The following NOS1 variants were observed in gnomAD, a reference collection of about 807,000 sequenced individuals.
The protein encoded by NOS1 is NOS type I.
NOS1 carries 51 observed loss-of-function variants against 164.5 expected under a neutral mutation model. The observed-to-expected ratio is 0.31, with a 90% CI of 0.25 to 0.39. NOS1 has a LOEUF of 0.39. Ranked by LOEUF, NOS1 falls within the 10% of genes least tolerant of loss-of-function variation. The probability of loss-of-function intolerance (pLI) is 1.00; values close to 1 mark genes in which losing one functional copy is unlikely to be tolerated. For synonymous variants in NOS1, 719 were observed against 745.8 expected, an observed-to-expected ratio of 0.96 and a Z score of 0.59; for missense variants, 1,362 against 1,885.6, an observed-to-expected ratio of 0.72 and a Z score of 5.14.
chr12:117,255,050 T>C (rs565986440), intron 16 of NOS1, among the ~76,000 whole-genome samples: 1 of 152,262 alleles, frequency 6.6e-6, no homozygotes, highest in South Asian at 2.1e-4. Flanking sequence ...CATGTATACA[T>C]ATGTAACTAA....
intron 2 of NOS1, among the ~76,000 whole-genome samples, chr12:117,317,145 C>T (rs1012483525): frequency 2.0e-5 from 3 of 151,972 alleles, no homozygotes; most frequent in African/African-American, 4.8e-5. Context: ...CCTCCCAAAG[C>T]GTTGGGATTA....
At chr12:117,311,429 G>C in intron 3 of NOS1, 37 bp downstream of exon 3, 3 of 1,565,708 alleles carry the variant, frequency 1.9e-6, no homozygotes, top group Non-Finnish European at 2.6e-6. Flanking sequence ...GAGAAGGCGT[G>C]GGAAGCAGTG....
At chr12:117,285,900 C>A (rs566124908) in intron 6 of NOS1, among the ~76,000 whole-genome samples, 18 of 152,234 alleles carry the variant, frequency 1.2e-4, no homozygotes, top group African/African-American at 4.3e-4. Context: ...TTTGCAAAAG[C>A]ACTGTGTTGG....
At position 117,208,393 on chromosome 12, in the gene NOS1, T is replaced by C. The variant is rs766370639; in HGVS notation, c.*6916A>G. ...GGGGACGGCCGAGTTTCTGACAGCG[T>C]GTGTGTGTGTGTGTGTGTGTGTGTG... On this transcript the variant is annotated 3_prime_UTR_variant, in exon 29 of 29. Transcript: ENST00000317775. The C allele has an allele frequency of 1.1e-3, 365 of 341,326 alleles. No homozygotes were observed. The highest frequency in any genetic ancestry group is 8.8e-3 in the Middle Eastern group (7 of 794). 21.1% of individuals were successfully genotyped at this position (341,326 alleles called of 1,614,324 possible).
intron 8 of NOS1, among the ~76,000 whole-genome samples, chr12:117,280,507 C>A (rs929541652): frequency 6.6e-6 from 1 of 152,280 alleles, no homozygotes; most frequent in Non-Finnish European, 1.5e-5. Context: ...CAGTTCCCAT[C>A]AGGAGGGCTG....
chr12:117,244,960 C>A (rs1048458439), intron 18 of NOS1, among the ~76,000 whole-genome samples: 2 of 152,128 alleles, frequency 1.3e-5, no homozygotes, highest in Admixed American at 1.3e-4. Flanking sequence ...GGCCTTGCTT[C>A]CTGGTTGCTC....
At chr12:117,282,009 T>C (rs1430131742) in intron 7 of NOS1, among the ~76,000 whole-genome samples, 4 of 152,144 alleles carry the variant, frequency 2.6e-5, no homozygotes, top group African/African-American at 9.7e-5. Flanking sequence ...AAAAGAAAAT[T>C]GCAGGTCACC....
rs769905102 is a variant in NOS1 at position 117,232,101 on chromosome 12, C to T, written c.3266G>A (p.Arg1089His). The change falls in exon 22 of 29, where the codon CGC (arginine) becomes CAC (histidine). Residue 1089 changes from arginine (R) to histidine (H), a missense_variant. By Grantham distance (29) the Arg-to-His change is conservative (BLOSUM62 0). Coordinates refer to ENST00000317775, the MANE Select transcript of NOS1 (RefSeq NM_000620.5). ...GVISNWTDEL[R>H]LPPCTIFQAF... is the part of the protein sequence containing the mutation. ...CTGGAAGATGGTGCAGGGCGGGAGGCGGAGCTCGTCTGTCCAGTTACTGAT... is the reference window on the plus strand; with the variant it reads ...CTGGAAGATGGTGCAGGGCGGGAGGTGGAGCTCGTCTGTCCAGTTACTGAT... 19 of 1,611,838 alleles carry T rather than the reference C, an allele frequency of 1.2e-5. No homozygotes were observed. In the Admixed American group the frequency reaches 1.5e-4, roughly 13 times the overall value.
intron 2 of NOS1, among the ~76,000 whole-genome samples, chr12:117,313,339 G>A (rs963301358): frequency 2.6e-5 from 4 of 152,140 alleles, no homozygotes; most frequent in African/African-American, 9.7e-5. Context: ...CTGTTACCCA[G>A]GCTGGAGTGC....
chr12:117,245,098 G>A (rs1438490939), intron 18 of NOS1, among the ~76,000 whole-genome samples: 1 of 152,164 alleles, frequency 6.6e-6, no homozygotes, highest in Non-Finnish European at 1.5e-5. Context: ...TCCCCACCTG[G>A]AAATCTTTAT....
chr12:117,228,874 G>T (rs947202002), intron 22 of NOS1, among the ~76,000 whole-genome samples: 2 of 151,970 alleles, frequency 1.3e-5, no homozygotes, highest in Non-Finnish European at 2.9e-5. Flanking sequence ...TCCGCCTCCC[G>T]GGGTTCACGC....
rs57047376 is a variant in NOS1 at position 117,256,284 on chromosome 12, G to GTTTTTTTTTTTTTTTTTTTTTT, written c.2531+2112_2531+2113insAAAAAAAAAAAAAAAAAAAAAA. On this transcript the variant is annotated intron_variant, in intron 16 of 28. Coordinates refer to ENST00000317775, the MANE Select transcript of NOS1 (RefSeq NM_000620.5). ...CAAAGAAAATCAGAAGGGATTTTCT[G>GTTTTTTTTTTTTTTTTTTTTTT]TTTTTTTTTTTTGAGACGGAGTCTC... Among the ~76,000 whole-genome samples, 82 of 118,434 alleles carry GTTTTTTTTTTTTTTTTTTTTTT rather than the reference G, an allele frequency of 6.9e-4. 16 individuals carry two copies. The highest frequency in any genetic ancestry group is 2.9e-3 in the African/African-American group (76 of 26,140). The allele number at this position is 118,434 out of a possible 152,430, so 77.7% of individuals were successfully genotyped here.
intron 18 of NOS1, among the ~76,000 whole-genome samples, chr12:117,246,338 G>T (rs1424011470): frequency 1.3e-5 from 2 of 152,096 alleles, no homozygotes; most frequent in African/African-American, 4.8e-5. Context: ...GTCTCACTAT[G>T]TTGCCCAGGC....
intron 1 of NOS1, among the ~76,000 whole-genome samples, chr12:117,335,763 A>AGAGAGAGAGAGAGAGG (rs1566081635): frequency 2.3e-5 from 3 of 131,300 alleles, no homozygotes; most frequent in African/African-American, 8.4e-5. Flanking sequence ...AGAGAGAGAG[A>AGAGAGAGAGAGAGAGG]GAGAGAGACA....
At chr12:117,242,176 C>T (rs1870231308) in intron 20 of NOS1, among the ~76,000 whole-genome samples, 1 of 152,176 alleles carries the variant, frequency 6.6e-6, no homozygotes, top group Admixed American at 6.5e-5. Context: ...GACTTCAAAA[C>T]ACAGAGTGGG....
intron 10 of NOS1, among the ~76,000 whole-genome samples, chr12:117,270,172 T>G (rs2135995046): frequency 6.6e-6 from 1 of 152,382 alleles, no homozygotes; most frequent in East Asian, 1.9e-4. Flanking sequence ...GTGCATTAAT[T>G]AAAGCCCTGC....
Position 117,280,816 on chromosome 12 carries a change from C to T in NOS1, c.1433G>A (p.Arg478Gln), listed in dbSNP as rs1410197387. 3.1e-6 allele frequency: 5 copies of T among 1,614,058 alleles called. No homozygotes were observed. Among genetic ancestry groups the T allele is most frequent in the East Asian group, 2.2e-5 (1 of 44,886 alleles). Residue 478 changes from arginine (R) to glutamine (Q), a missense_variant, in exon 8 of 29, where the codon CGA becomes CAA. By Grantham distance (43) the Arg-to-Gln change is conservative. Around this residue, in one of 4 missense-constraint regions of NOS1, gnomAD observed 134 missense variants for 267.3 expected, o/e 0.50. Transcript: ENST00000317775. ...GCGGATGAGCTGGGAGTTCCAGACTCGGAAGTCGTGCTTGCCGTCTGTCCT... is the reference window on the plus strand; with the variant it reads ...GCGGATGAGCTGGGAGTTCCAGACTTGGAAGTCGTGCTTGCCGTCTGTCCT... Reference protein sequence around the residue: ...PQRTDGKHDFRVWNSQLIRYA... With the variant: ...PQRTDGKHDFQVWNSQLIRYA...
chr12:117,318,942 A>G (rs1874789271), intron 2 of NOS1, among the ~76,000 whole-genome samples: 1 of 152,210 alleles, frequency 6.6e-6, no homozygotes, highest in African/African-American at 2.4e-5. Flanking sequence ...GAGCTGAGTT[A>G]AAGTAGGAAG....
chr12:117,310,972 TCTC>T (rs1429976154), intron 3 of NOS1, among the ~76,000 whole-genome samples: 1 of 151,972 alleles, frequency 6.6e-6, no homozygotes, highest in Non-Finnish European at 1.5e-5. Context: ...TTCACACCAT[TCTC>T]CTGCCTCAGC....
Sources: allele counts gnomAD v4.1 joint callset (sites outside exome capture counted in the v4.1 genomes callset), GRCh38; gene constraint gnomAD v4.1.1; regional missense constraint gnomAD v4.1.1; transcripts MANE v1.5; gene names NCBI Gene and HGNC (gene_info 2026-07-23, HGNC 2026-07-21).